The following GPR146 variants were observed in gnomAD, a reference collection of about 807,000 sequenced individuals.
The protein encoded by GPR146 is G-protein coupled receptor 146.
For missense variants in GPR146, 381 were observed against 213.9 expected (o/e 1.78, Z -4.87); for synonymous variants, 203 against 104.3 (o/e 1.95, Z -5.77).
chr7:1,045,728 T>G (rs779638034), intron 1 of GPR146: 1 of 152,282 alleles, frequency 6.6e-6, no homozygotes, highest in Non-Finnish European at 1.5e-5. Flanking sequence ...GAACCCCTGT[T>G]GTCTTCCTCA....
intron 1 of GPR146, among the ~76,000 whole-genome samples, chr7:1,053,209 C>G: frequency 6.6e-6 from 1 of 152,244 alleles, no homozygotes; most frequent in Middle Eastern, 3.2e-3. Context: ...GAAGGCTCCA[C>G]CCGCCTGGGC....
intron 1 of GPR146, among the ~76,000 whole-genome samples, chr7:1,053,278 TC>T (rs1214333889): frequency 6.6e-6 from 1 of 152,160 alleles, no homozygotes; most frequent in Non-Finnish European, 1.5e-5. Flanking sequence ...GCCCAGGCCA[TC>T]CCCCTCACTC....
At chr7:1,054,644 G>C (rs895746398) in intron 1 of GPR146, among the ~76,000 whole-genome samples, 1 of 152,228 alleles carries the variant, frequency 6.6e-6, no homozygotes, top group African/African-American at 2.4e-5. Flanking sequence ...GGCATTAGCA[G>C]TCCAGGCAGC....
At chr7:1,053,876 CTG>C (rs1057359734) in intron 1 of GPR146, among the ~76,000 whole-genome samples, 2 of 152,226 alleles carry the variant, frequency 1.3e-5, no homozygotes, top group African/African-American at 4.8e-5. Flanking sequence ...GCTCACTTCT[CTG>C]GGAGCCATGG....
chr7:1,053,329 G>C (rs1783339101), intron 1 of GPR146, among the ~76,000 whole-genome samples: 1 of 152,256 alleles, frequency 6.6e-6, no homozygotes, highest in Non-Finnish European at 1.5e-5. Context: ...GGCGTCCACA[G>C]TAGAGCCCAG....
At position 1,058,829 on chromosome 7, in the gene GPR146, C is replaced by T; in HGVS notation, c.*312C>T. The stretch of plus-strand genomic sequence containing the variant: ...CAGTTTGTCAATGAAGTGATGAAAG[C>T]TTAGAGCCAGTATTTATACTTTGTG... On this transcript the variant is annotated 3_prime_UTR_variant, in exon 2 of 2. Coordinates refer to ENST00000444847, the MANE Select transcript of GPR146 (RefSeq NM_001303473.2). 1 of 381,154 alleles carries T rather than the reference C, an allele frequency of 2.6e-6. No homozygotes were observed. Among genetic ancestry groups the T allele is most frequent in the East Asian group, 4.6e-5 (1 of 21,610 alleles). 23.6% of individuals were successfully genotyped at this position (381,154 alleles called of 1,614,324 possible). A position where few individuals can be genotyped will look rare whatever the true frequency, so the allele number is the denominator to read the frequency against.
chr7:1,052,418 G>A lies in GPR146; in HGVS notation c.-24-5074G>A, dbSNP rs554034634. 2.1e-3 allele frequency among the ~76,000 whole-genome samples: 320 copies of A among 152,364 alleles called. 6 individuals carry two copies. Among genetic ancestry groups the A allele is most frequent in the Non-Finnish European group, 1.5e-4 (10 of 68,036 alleles). On this transcript the variant is annotated intron_variant, in intron 1 of 1. Transcript: ENST00000444847. This position sits in a 1 kb window ranked among gnomAD's most constrained non-coding sequence, Gnocchi z 4.2. ...CCTGTGTGTGGGTGGCAGGTCTTGA[G>A]GAGTCGTGGGGGAGGGTTTCGGGGG... is the stretch of plus-strand genomic sequence containing the variant.
chr7:1,046,797 T>C (rs1192909504), intron 1 of GPR146, among the ~76,000 whole-genome samples: 2 of 152,182 alleles, frequency 1.3e-5, no homozygotes, highest in African/African-American at 4.8e-5. Context: ...CCCATTTTAA[T>C]TGGAACCAAA....
intron 1 of GPR146, among the ~76,000 whole-genome samples, chr7:1,055,862 C>T (rs1169934944): frequency 6.6e-6 from 1 of 152,188 alleles, no homozygotes; most frequent in Admixed American, 6.5e-5. Flanking sequence ...TGCTGACTGA[C>T]ACCCAGTCAC....
rs1387273625 is a variant in GPR146 at position 1,058,045 on chromosome 7, A to G, written c.530A>G (p.Glu177Gly). The change falls in exon 2 of 2, where the codon GAG becomes GGG. Residue 177 changes from glutamate to glycine, a missense_variant. By Grantham distance (98) the Glu-to-Gly change is moderately conservative. Coordinates refer to ENST00000444847, the MANE Select transcript of GPR146 (RefSeq NM_001303473.2). Reference sequence around the variant, plus strand: ...AGCCATGTGTCCACCCGCGCGCTAGAGTGCGCCAAGATGCAGAACGCAGAA... The same window carrying G: ...AGCCATGTGTCCACCCGCGCGCTAGGGTGCGCCAAGATGCAGAACGCAGAA... ...ICSHVSTRAL[E>G]CAKMQNAEAA... The G allele has an allele frequency of 2.6e-6, 2 of 768,780 alleles. No homozygotes were observed. The highest frequency in any genetic ancestry group is 2.4e-5 in the East Asian group (1 of 41,236). The allele number at this position is 768,780 out of a possible 1,614,324, so 47.6% of individuals were successfully genotyped here. A position where few individuals can be genotyped will look rare whatever the true frequency, so the allele number is the denominator to read the frequency against.
At chr7:1,053,647 G>C (rs934424173) in intron 1 of GPR146, among the ~76,000 whole-genome samples, 1 of 152,190 alleles carries the variant, frequency 6.6e-6, no homozygotes, top group African/African-American at 2.4e-5. Flanking sequence ...GGCCAACATG[G>C]AGAAACCTTG....
intron 1 of GPR146, among the ~76,000 whole-genome samples, chr7:1,054,730 C>T (rs1783545714): frequency 6.6e-6 from 1 of 152,224 alleles, no homozygotes; most frequent in African/African-American, 2.4e-5. Context: ...GCAGGAGAGC[C>T]CTCGCAGGAG....
In GPR146 at chr7:1,058,561, A is replaced by G. The variant is rs1329824204; in HGVS notation, c.*44A>G. 1 of 740,768 alleles carries G rather than the reference A, an allele frequency of 1.3e-6. No individual in the cohort carries two copies. Among genetic ancestry groups the G allele is most frequent in the Non-Finnish European group, 2.5e-6 (1 of 398,492 alleles). The allele number at this position is 740,768 out of a possible 1,614,324, so 45.9% of individuals were successfully genotyped here. A position where few individuals can be genotyped will look rare whatever the true frequency, so the allele number is the denominator to read the frequency against. On this transcript the variant is annotated 3_prime_UTR_variant, in exon 2 of 2. Coordinates refer to ENST00000444847, the MANE Select transcript of GPR146 (RefSeq NM_001303473.2). ...GGAGACGTGACTCTGGTGGACGCAG[A>G]GCACTTAGTTACCCTGGACGCTCCC... is the stretch of plus-strand genomic sequence containing the variant.
At chr7:1,045,693 ACTG>A (rs1377802553) in intron 1 of GPR146, 1 of 152,268 alleles carries the variant, frequency 6.6e-6, no homozygotes, top group Non-Finnish European at 1.5e-5. Context: ...TTCAAGAACT[ACTG>A]TAAGGCCTGG....
At chr7:1,050,365 C>T (rs56264626) in intron 1 of GPR146, among the ~76,000 whole-genome samples, 3,232 of 152,358 alleles carry the variant, frequency 0.021, 45 homozygotes, top group Non-Finnish European at 0.029. Context: ...CGTCCACCTG[C>T]GGCGGGCACA....
intron 1 of GPR146, among the ~76,000 whole-genome samples, chr7:1,049,314 T>A (rs530171700): frequency 1.3e-5 from 2 of 152,346 alleles, no homozygotes; most frequent in East Asian, 3.9e-4. Flanking sequence ...GCGTCATCAT[T>A]CCAGGCCAGG....
Position 1,052,899 on chromosome 7 carries a change from A to C in GPR146, c.-24-4593A>C, listed in dbSNP as rs1783273855. 6.6e-6 allele frequency among the ~76,000 whole-genome samples: 1 copy of C among 152,148 alleles called. No homozygotes were observed. Among genetic ancestry groups the C allele is most frequent in the South Asian group, 2.1e-4 (1 of 4,826 alleles). On this transcript the variant is annotated intron_variant, in intron 1 of 1. Coordinates refer to ENST00000444847, the MANE Select transcript of GPR146 (RefSeq NM_001303473.2). The surrounding 1 kb of genome is among the most constrained non-coding windows in gnomAD (Gnocchi z 4.2). ...CTCCAGAATCTTTCATCGCCGCCAC[A>C]ACAAACTCAGGCTTTCGTGTAGGAA...
rs146568608 is a variant in GPR146, at chr7:1,056,085, G to A, written c.-24-1407G>A. 6.7e-3 allele frequency: 1,029 copies of A among 153,754 alleles called. 9 individuals carry two copies. Among genetic ancestry groups the A allele is most frequent in the African/African-American group, 0.023 (952 of 41,586 alleles). 9.5% of individuals were successfully genotyped at this position (153,754 alleles called of 1,614,324 possible). ...CCGGACGCCCCCCTCACCGGCCCCC[G>A]CCACTGTGCTTGGAGCAGGTGCATC... On this transcript the variant is annotated intron_variant, in intron 1 of 1. Transcript: ENST00000444847.
intron 1 of GPR146, among the ~76,000 whole-genome samples, chr7:1,049,176 T>G (rs895601080): frequency 7.2e-5 from 11 of 152,204 alleles, no homozygotes; most frequent in African/African-American, 2.2e-4. Context: ...GGGGCCCATG[T>G]TGTTGTCACC....
Sources: allele counts gnomAD v4.1 joint callset (sites outside exome capture counted in the v4.1 genomes callset), GRCh38; gene constraint gnomAD v4.1.1; non-coding constraint Gnocchi (gnomAD v3.1); transcripts MANE v1.5; gene names NCBI Gene and HGNC (gene_info 2026-07-23, HGNC 2026-07-21).